Variants in PKN2 observed in about 807,000 individuals in gnomAD.
PKN2 encodes protein kinase N2.
Under a neutral mutation model 119.1 loss-of-function variants are expected in PKN2, and 38 were observed. The observed-to-expected ratio is 0.32, with a 90% CI of 0.25 to 0.42. The LOEUF is 0.42. Ranked by LOEUF, PKN2 falls within the 10% of genes least tolerant of loss-of-function variation. The pLI is 1.00. For synonymous variants in PKN2, 390 were observed against 384.9 expected (o/e 1.01, Z -0.15); for missense variants, 850 against 1,165.1 (o/e 0.73, Z 3.94).
At chr1:88,766,499 T>C (rs1282868554) in intron 3 of PKN2, among the ~76,000 whole-genome samples, 1 of 152,220 alleles carries the variant, frequency 6.6e-6, no homozygotes, top group Non-Finnish European at 1.5e-5. Context: ...GTTATTCTTA[T>C]AATTGTAAAA....
chr1:88,807,281 C>G (rs1200071997), intron 12 of PKN2, 32 bp from the exon 13 acceptor site: 1 of 1,362,374 alleles, frequency 7.3e-7, no homozygotes, highest in East Asian at 2.5e-5. Context: ...CTGGGTATTT[C>G]TATGGATTCA....
At chr1:88,754,151 T>C (rs1669108547) in intron 2 of PKN2, among the ~76,000 whole-genome samples, 3 of 152,176 alleles carry the variant, frequency 2.0e-5, no homozygotes, top group Non-Finnish European at 2.9e-5. Flanking sequence ...TCTTAAAAGA[T>C]GATAGTCATT....
intron 16 of PKN2, among the ~76,000 whole-genome samples, chr1:88,820,165 A>G (rs186177727): frequency 3.0e-5 from 4 of 134,158 alleles, no homozygotes; most frequent in African/African-American, 1.2e-4. Context: ...AAATCAAACA[A>G]ATCTTTTCAG....
At chr1:88,785,878 G>A (rs1364172182) in intron 7 of PKN2, among the ~76,000 whole-genome samples, 37 of 152,170 alleles carry the variant, frequency 2.4e-4, no homozygotes, top group Non-Finnish European at 8.8e-5. Context: ...GTAAACAAAA[G>A]AGATAGCAGT....
At chr1:88,712,334 T>C (rs1667268849) in intron 1 of PKN2, among the ~76,000 whole-genome samples, 1 of 152,154 alleles carries the variant, frequency 6.6e-6, no homozygotes, top group African/African-American at 2.4e-5. Context: ...AAAAAACCTG[T>C]ATTCTAAGTA....
At position 88,684,612 on chromosome 1, in the gene PKN2, T is replaced by A; in HGVS notation, c.32T>A (p.Leu11Gln). ...TCCAACCCCGAACGGGGGGAGATTCTGCTCACGGAACTGCAGGTAAGGGCC... is the reference window on the plus strand; with the variant it reads ...TCCAACCCCGAACGGGGGGAGATTCAGCTCACGGAACTGCAGGTAAGGGCC... MASNPERGEI[L>Q]LTELQGDSRS... The change falls in exon 1 of 22, where the codon CTG becomes CAG. Residue 11 changes from leucine to glutamine, a missense_variant. Leu to Gln is a moderately radical substitution (Grantham distance 113). Coordinates refer to ENST00000370521, the MANE Select transcript of PKN2 (RefSeq NM_006256.4). 6.4e-7 allele frequency: 1 copy of A among 1,565,020 alleles called. No homozygotes were observed. The highest frequency in any genetic ancestry group is 8.6e-7 in the Non-Finnish European group (1 of 1,156,118).
chr1:88,784,132 CTTTTTTTTTT>C lies in PKN2; in HGVS notation c.986-494_986-485del, dbSNP rs397862410. Among the ~76,000 whole-genome samples the C allele has an allele frequency of 4.7e-4, 49 of 103,950 alleles. 1 individual carries two copies. The highest frequency in any genetic ancestry group is 1.9e-3 in the African/African-American group (47 of 24,598). The allele number at this position is 103,950 out of a possible 152,430, so 68.2% of individuals were successfully genotyped here. ...AGACAACTTTTGGGAGATGCTGTTCCTTTTTTTTTTTTTTTTTTTTTTGGAGAGAGAGTCT... is the reference window on the plus strand; with the variant it reads ...AGACAACTTTTGGGAGATGCTGTTCCTTTTTTTTTTTTGGAGAGAGAGTCT... On this transcript the variant is annotated intron_variant, in intron 6 of 21. Coordinates refer to ENST00000370521, the MANE Select transcript of PKN2 (RefSeq NM_006256.4).
intron 1 of PKN2, among the ~76,000 whole-genome samples, chr1:88,716,170 A>T (rs1185804702): frequency 6.6e-6 from 1 of 152,146 alleles, no homozygotes; most frequent in East Asian, 1.9e-4. Context: ...GTTCGTTATG[A>T]TTTCTTTTCT....
chr1:88,770,570 A>G (rs548922784), intron 4 of PKN2, 101 bp downstream of exon 4: 5 of 651,756 alleles, frequency 7.7e-6, no homozygotes, highest in Non-Finnish European at 1.4e-5. Flanking sequence ...AGGAAGCATT[A>G]CTATTACTTT....
At chr1:88,755,536 T>C (rs897012350) in intron 2 of PKN2, among the ~76,000 whole-genome samples, 23 of 152,224 alleles carry the variant, frequency 1.5e-4, no homozygotes, top group African/African-American at 4.3e-4. Flanking sequence ...CAAACCTTTA[T>C]GACTTCTTGT....
chr1:88,770,390 G>A lies in PKN2; in HGVS notation c.543G>A (p.Gln181=). The part of the protein sequence containing the change: ...KLHGTAQQLL[Q]DSKTKIEVIR... Reference sequence around the variant, plus strand: ...ATGGTACAGCTCAGCAACTGCTCCAGGACAGCAAGACAAAAATAGAAGTCA... The same window carrying A: ...ATGGTACAGCTCAGCAACTGCTCCAAGACAGCAAGACAAAAATAGAAGTCA... Residue 181 remains glutamine, a synonymous_variant, in exon 4 of 22, where the codon CAG becomes CAA. Coordinates refer to ENST00000370521, the MANE Select transcript of PKN2 (RefSeq NM_006256.4). The A allele has an allele frequency of 6.2e-7, 1 of 1,613,398 alleles. No homozygotes were observed. The highest frequency in any genetic ancestry group is 8.5e-7 in the Non-Finnish European group (1 of 1,179,436).
At position 88,821,922 on chromosome 1, in the gene PKN2, GATTTA is replaced by G. The variant is rs1254293374; in HGVS notation, c.2280-15_2280-11del. 2.6e-6 allele frequency: 4 copies of G among 1,549,300 alleles called. No individual in the cohort carries two copies. Among genetic ancestry groups the G allele is most frequent in the Non-Finnish European group, 2.6e-6 (3 of 1,152,784 alleles). On this transcript the variant is annotated splice_polypyrimidine_tract_variant and intron_variant, in intron 16 of 21. Coordinates refer to ENST00000370521, the MANE Select transcript of PKN2 (RefSeq NM_006256.4). Reference sequence around the variant, plus strand: ...CAATAAAATTTATTAAACTCCTGTTGATTTAATTCTTCAAACAGATTTTATGCTGC... The same window carrying G: ...CAATAAAATTTATTAAACTCCTGTTGATTCTTCAAACAGATTTTATGCTGC...
intron 8 of PKN2, among the ~76,000 whole-genome samples, chr1:88,792,170 C>T (rs921362860): frequency 5.9e-5 from 9 of 152,206 alleles, no homozygotes; most frequent in Admixed American, 2.0e-4. Flanking sequence ...TTTGGGAGGC[C>T]GAGGCGGGCG....
In PKN2 at chr1:88,771,659, C is replaced by CAA; in HGVS notation, c.769-3_769-2dup. ...TGACAACAATTGTCTTTTCCCTGTG[C>CAA]AAGGCTCAAGCAAGATTTAATGAAT... On this transcript the variant is annotated splice_polypyrimidine_tract_variant and splice_region_variant and intron_variant, in intron 5 of 21. Coordinates refer to ENST00000370521, the MANE Select transcript of PKN2 (RefSeq NM_006256.4). 1 of 1,612,030 alleles carries CAA rather than the reference C, an allele frequency of 6.2e-7. No homozygotes were observed. The highest frequency in any genetic ancestry group is 2.2e-5 in the East Asian group (1 of 44,816).
intron 8 of PKN2, among the ~76,000 whole-genome samples, chr1:88,790,863 G>A (rs1307511291): frequency 2.0e-5 from 3 of 151,740 alleles, no homozygotes; most frequent in Non-Finnish European, 4.4e-5. Context: ...TACTTTCTAG[G>A]AAATTTTTAC....
intron 6 of PKN2, among the ~76,000 whole-genome samples, chr1:88,773,895 C>G (rs1038490712): frequency 6.6e-6 from 1 of 152,130 alleles, no homozygotes; most frequent in South Asian, 2.1e-4. Context: ...ACAGTCCCCC[C>G]ACAAAACTGC....
At chr1:88,741,377 A>G (rs41313393) in intron 2 of PKN2, 89 bp downstream of exon 2, 38,075 of 836,334 alleles carry the variant, frequency 0.046, 944 homozygotes, top group Middle Eastern at 0.059. Context: ...GGACATGAAT[A>G]GTTTTTAGCT....
At chr1:88,813,002 A>T (rs1381579689) in intron 15 of PKN2, among the ~76,000 whole-genome samples, 1 of 152,200 alleles carries the variant, frequency 6.6e-6, no homozygotes, top group Non-Finnish European at 1.5e-5. Context: ...TATTTATAAT[A>T]GTGCCTTAAT....
intron 2 of PKN2, among the ~76,000 whole-genome samples, chr1:88,753,530 A>G (rs951164548): frequency 1.3e-5 from 2 of 152,094 alleles, no homozygotes; most frequent in African/African-American, 2.4e-5. Flanking sequence ...TATAAAGAAA[A>G]GAGCTTTAAT....
Sources: allele counts gnomAD v4.1 joint callset (sites outside exome capture counted in the v4.1 genomes callset), GRCh38; gene constraint gnomAD v4.1.1; transcripts MANE v1.5; gene names NCBI Gene and HGNC (gene_info 2026-07-23, HGNC 2026-07-21).